Variants in USP42 observed in about 807,000 individuals in gnomAD.
USP42 encodes ubiquitin carboxyl-terminal hydrolase 42.
Under a neutral mutation model 113.0 loss-of-function variants are expected in USP42, and 23 were observed. The observed-to-expected ratio is 0.20, with a 90% CI of 0.15 to 0.29. The LOEUF (loss-of-function observed/expected upper bound fraction) is 0.29. USP42 is among the 10% of genes least tolerant of loss of function. The pLI, the probability that USP42 is intolerant of heterozygous loss-of-function variation, is 1.00. For synonymous variants in USP42, 933 were observed against 699.0 expected, an observed-to-expected ratio of 1.33 and a Z score of -5.28; for missense variants, 2,174 against 1,779.8, an observed-to-expected ratio of 1.22 and a Z score of -3.99.
chr7:6,086,193 A>T, the USP42 span, among the ~76,000 whole-genome samples: 1 of 138,204 alleles, frequency 7.2e-6, no homozygotes. Flanking sequence ...CTGCCACCTC[A>T]CCTGGCTAAT....
At position 6,144,199 on chromosome 7, in the gene USP42, A is replaced by G. The variant is rs752937038; in HGVS notation, c.990+3A>G. 1.9e-6 allele frequency: 3 copies of G among 1,543,664 alleles called. No individual in the cohort carries two copies. The highest frequency in any genetic ancestry group is 1.4e-5 in the African/African-American group (1 of 72,486). ...TTACCGGTGGAAAAATTGCTAAGGT[A>G]TGTGGATGATGTCATTAATCATGTT... On this transcript the variant is annotated splice_donor_region_variant and intron_variant, in intron 9 of 17. Transcript: ENST00000306177.
At chr7:6,091,794 G>A in the USP42 span, among the ~76,000 whole-genome samples, 1 of 150,198 alleles carries the variant, frequency 6.7e-6, no homozygotes, top group Non-Finnish European at 1.5e-5. Flanking sequence ...AAGTGGGGTG[G>A]TGTCTAGCTA....
intron 8 of USP42, among the ~76,000 whole-genome samples, chr7:6,143,396 T>C (rs1781535933): frequency 6.6e-6 from 1 of 152,166 alleles, no homozygotes; most frequent in African/African-American, 2.4e-5. Context: ...AGTCACTTTC[T>C]TCTGGGATAG....
At chr7:6,111,496 G>C in intron 2 of USP42, 122 bp downstream of exon 2, 1 of 1,179,286 alleles carries the variant, frequency 8.5e-7, no homozygotes, top group East Asian at 2.6e-5. Context: ...GGCCAGCAGA[G>C]TTGTATTACT....
upstream of USP42, among the ~76,000 whole-genome samples, chr7:6,102,854 C>T (rs1162048504): frequency 6.6e-6 from 1 of 150,992 alleles, no homozygotes; most frequent in East Asian, 1.9e-4. Flanking sequence ...AGTGATCTGA[C>T]GGTTTTTGGA....
In USP42 at chr7:6,123,832, CAAAA is replaced by C. The variant is rs34032326; in HGVS notation, c.442+8325_442+8328del. On this transcript the variant is annotated intron_variant, in intron 3 of 17. Coordinates refer to ENST00000306177, the MANE Select transcript of USP42 (RefSeq NM_032172.3). Reference sequence around the variant, plus strand: ...AGGGCAACGAAAGGAGACCCTGTCTCAAAAAAAAAAAAAAAAAAAGCCACTCCAG... The same window carrying C: ...AGGGCAACGAAAGGAGACCCTGTCTCAAAAAAAAAAAAAAAGCCACTCCAG... 6.7e-3 allele frequency among the ~76,000 whole-genome samples: 486 copies of C among 72,754 alleles called. 3 individuals are homozygous for C. Among genetic ancestry groups the C allele is most frequent in the Non-Finnish European group, 0.011 (337 of 31,490 alleles). 47.7% of individuals were successfully genotyped at this position (72,754 alleles called of 152,430 possible). A position where few individuals can be genotyped will look rare whatever the true frequency, so the allele number is the denominator to read the frequency against.
At chr7:6,152,107 C>T (rs1402028013) in intron 14 of USP42, among the ~76,000 whole-genome samples, 2 of 152,202 alleles carry the variant, frequency 1.3e-5, no homozygotes, top group African/African-American at 2.4e-5. Flanking sequence ...GGGAATTTGT[C>T]ATGCAGCGTC....
At position 6,154,706 on chromosome 7, in the gene USP42, C is replaced by G. The variant is rs560027095; in HGVS notation, c.3152C>G (p.Pro1051Arg). 78 of 1,598,798 alleles carry G rather than the reference C, an allele frequency of 4.9e-5. No individual in the cohort carries two copies. The South Asian group carries it at 8.5e-4, about 17-fold the overall frequency. ...ERGWGREKFY[P>R]DRPRWDRCRY... ...GGCTGGGGCCGGGAGAAGTTCTACC[C>G]CGACAGGCCGCGCTGGGACAGGTGC... The change falls in exon 15 of 18, where the codon CCC becomes CGC. Residue 1051 changes from proline (P) to arginine (R), a missense_variant. Transcript: ENST00000306177.
intron 3 of USP42, among the ~76,000 whole-genome samples, chr7:6,127,219 A>C (rs1233147098): frequency 1.3e-5 from 2 of 152,052 alleles, no homozygotes; most frequent in Non-Finnish European, 2.9e-5. Context: ...GTGGTTTCCA[A>C]ATGTTTTCTC....
At chr7:6,125,724 C>T (rs1321989516) in intron 3 of USP42, among the ~76,000 whole-genome samples, 1 of 151,594 alleles carries the variant, frequency 6.6e-6, no homozygotes, top group Non-Finnish European at 1.5e-5. Flanking sequence ...TTTATGTATT[C>T]AGATTTCCAT....
At chr7:6,087,034 C>CTTTT in the USP42 span, among the ~76,000 whole-genome samples, 1 of 133,494 alleles carries the variant, frequency 7.5e-6, no homozygotes, top group Non-Finnish European at 1.7e-5. Flanking sequence ...AGCCACCACA[C>CTTTT]TTTTTTTTTT....
intron 3 of USP42, among the ~76,000 whole-genome samples, chr7:6,120,267 T>A (rs1266037200): frequency 3.3e-5 from 5 of 151,616 alleles, no homozygotes; most frequent in Admixed American, 3.3e-4. Flanking sequence ...CCCGGCCCTT[T>A]TTATTTGCTC....
chr7:6,150,935 C>T (rs1262954222), intron 14 of USP42, among the ~76,000 whole-genome samples: 1 of 152,188 alleles, frequency 6.6e-6, no homozygotes, highest in African/African-American at 2.4e-5. Context: ...AGAAATGCAT[C>T]GTTTGGGGAT....
the USP42 span, chr7:6,093,140 C>A: frequency 2.7e-5 from 4 of 148,002 alleles, no homozygotes; most frequent in East Asian, 5.9e-4. Context: ...CTTTCCTTTC[C>A]CTCCCTCTCT....
chr7:6,136,289 C>A (rs1328937690), intron 4 of USP42, among the ~76,000 whole-genome samples: 4 of 152,118 alleles, frequency 2.6e-5, no homozygotes, highest in Non-Finnish European at 5.9e-5. Flanking sequence ...CAGGCGTGAG[C>A]CACCATGCCT....
the USP42 span, among the ~76,000 whole-genome samples, chr7:6,094,631 G>A: frequency 6.6e-6 from 1 of 151,096 alleles, no homozygotes; most frequent in South Asian, 2.1e-4. Context: ...TTTTTGCAGG[G>A]GTCAGACTGG....
intron 3 of USP42, among the ~76,000 whole-genome samples, chr7:6,122,772 A>AT (rs890295272): frequency 3.9e-4 from 57 of 145,412 alleles, no homozygotes; most frequent in African/African-American, 1.3e-3. Flanking sequence ...GTCCAGCCTA[A>AT]TTTTTTTTTT....
chr7:6,112,647 T>C (rs1230948543), intron 2 of USP42, among the ~76,000 whole-genome samples: 4 of 152,204 alleles, frequency 2.6e-5, no homozygotes, highest in African/African-American at 9.6e-5. Context: ...GATTGTTGTT[T>C]GGCTTAGAGC....
At chr7:6,152,627 C>G (rs775241147) in intron 14 of USP42, among the ~76,000 whole-genome samples, 21 of 152,188 alleles carry the variant, frequency 1.4e-4, no homozygotes, top group Non-Finnish European at 2.8e-4. Context: ...CTTGGACACT[C>G]GCTCCCTCGG....
Sources: allele counts gnomAD v4.1 joint callset (sites outside exome capture counted in the v4.1 genomes callset), GRCh38; gene constraint gnomAD v4.1.1; transcripts MANE v1.5; gene names NCBI Gene and HGNC (gene_info 2026-07-23, HGNC 2026-07-21).